Variants in POMC observed in about 807,000 individuals in gnomAD.
POMC encodes the protein pro-opiomelanocortin.
In POMC, 19 loss-of-function variants were observed where a neutral mutation model predicts 18.5. That is an observed-to-expected ratio of 1.03 (90% CI 0.72 to 1.51). The LOEUF (loss-of-function observed/expected upper bound fraction) is 1.51. Among genes scored for constraint, POMC ranks in the 40% most tolerant of loss-of-function variants. The probability of loss-of-function intolerance (pLI) is 0.00; values close to 1 mark genes in which losing one functional copy is unlikely to be tolerated. For missense variants in POMC, 451 were observed against 379.0 expected (o/e 1.19, Z -1.58); for synonymous variants, 179 against 161.9 (o/e 1.11, Z -0.80).
At chr2:25,166,850 T>A (rs780288881) in intron 1 of POMC, among the ~76,000 whole-genome samples, 10 of 152,262 alleles carry the variant, frequency 6.6e-5, no homozygotes, top group Non-Finnish European at 1.0e-4. Flanking sequence ...TATTTGCTTA[T>A]GTGTATTTTC....
At position 25,161,792 on chromosome 2, in the gene POMC, C is replaced by G; in HGVS notation, c.133-40G>C. 1 of 1,548,908 alleles carries G rather than the reference C, an allele frequency of 6.5e-7. No individual in the cohort carries two copies. Among genetic ancestry groups the G allele is most frequent in the Non-Finnish European group, 8.7e-7 (1 of 1,149,048 alleles). ...GAGGGCATGAGGGCAGCCCGTGCCCCGCACCCCGGCCCGGCTGCCGCGCCC... is the reference window on the plus strand; with the variant it reads ...GAGGGCATGAGGGCAGCCCGTGCCCGGCACCCCGGCCCGGCTGCCGCGCCC... On this transcript the variant is annotated intron_variant, in intron 2 of 2. Coordinates refer to ENST00000395826, the MANE Select transcript of POMC (RefSeq NM_000939.4). The surrounding 1 kb of genome is among the most constrained non-coding windows in gnomAD (Gnocchi z 5.7).
rs1671501354 is a variant in POMC, at chr2:25,164,768, G to A, written c.5C>T (p.Pro2Leu). 11 of 1,613,790 alleles carry A rather than the reference G, an allele frequency of 6.8e-6. No individual in the cohort carries two copies. The highest frequency in any genetic ancestry group is 3.3e-5 in the South Asian group (3 of 91,052). M[P>L]RSCCSRSGAL... ...CCCCGAGCGGCTGCAGCACGATCTC[G>A]GCATCTTCCAGGCAGGCTGAGGCTC... The change falls in exon 2 of 3, where the codon CCG (proline) becomes CTG (leucine). Residue 2 changes from proline (P) to leucine (L), a missense_variant. By Grantham distance (98) the Pro-to-Leu change is moderately conservative. Transcript: ENST00000395826.
rs1449052677 is a variant in POMC at position 25,161,643 on chromosome 2, T to C, written c.242A>G (p.His81Arg). The change falls in exon 3 of 3, where the codon CAC becomes CGC. Residue 81 changes from histidine to arginine, a missense_variant. Physicochemically the swap from His to Arg is conservative, Grantham distance 29 (BLOSUM62 0). Transcript: ENST00000395826. The surrounding 1 kb of genome is among the most constrained non-coding windows in gnomAD (Gnocchi z 5.7). ...GCGGCCGAATCGGTCCCAGCGGAAGTGGCCCATGACGTACTTCCGGGGGTT... is the reference window on the plus strand; with the variant it reads ...GCGGCCGAATCGGTCCCAGCGGAAGCGGCCCATGACGTACTTCCGGGGGTT... ...TENPRKYVMG[H>R]FRWDRFGRRN... 1.3e-6 allele frequency: 2 copies of C among 1,553,930 alleles called. No individual in the cohort carries two copies. The highest frequency in any genetic ancestry group is 3.9e-5 in the Admixed American group (2 of 51,426).
In POMC at chr2:25,161,684, C is replaced by T. The variant is rs777071957; in HGVS notation, c.201G>A (p.Glu67=). Residue 67 remains glutamate (E), a synonymous_variant, in exon 3 of 3, where the codon GAG becomes GAA. Coordinates refer to ENST00000395826, the MANE Select transcript of POMC (RefSeq NM_000939.4). The surrounding 1 kb of genome is among the most constrained non-coding windows in gnomAD (Gnocchi z 5.7). ...TCCGGGGGTTCTCGGTCAGAGGCTG[C>T]TCGTCGCCATTTCCCGGGAACATGG... is the stretch of plus-strand genomic sequence containing the variant. ...ETPMFPGNGD[E]QPLTENPRKY... is the part of the protein sequence containing the mutation. The T allele has an allele frequency of 6.3e-7, 1 of 1,575,750 alleles. No individual in the cohort carries two copies. The highest frequency in any genetic ancestry group is 1.4e-5 in the African/African-American group (1 of 73,620).
At position 25,161,114 on chromosome 2, in the gene POMC, G is replaced by A. The variant is rs1451609012; in HGVS notation, c.771C>T (p.Ala257=). 2 of 1,613,962 alleles carry A rather than the reference G, an allele frequency of 1.2e-6. No individual in the cohort carries two copies. Among genetic ancestry groups the A allele is most frequent in the Non-Finnish European group, 1.7e-6 (2 of 1,180,024 alleles). The change falls in exon 3 of 3, where the codon GCC becomes GCT. Residue 257 remains alanine (A), a synonymous_variant. Transcript: ENST00000395826. This position sits in a 1 kb window ranked among gnomAD's most constrained non-coding sequence, Gnocchi z 5.7. ...CCTTCTTGTAGGCGTTCTTGATGAT[G>A]GCGTTTTTGAACAGCGTCACCAGGG... is the stretch of plus-strand genomic sequence containing the variant. The part of the protein sequence containing the change: ...QTPLVTLFKN[A]IIKNAYKKGE
In POMC at chr2:25,161,078, C is replaced by CGA; in HGVS notation, c.*2_*3insTC. 1 of 1,614,030 alleles carries CGA rather than the reference C, an allele frequency of 6.2e-7. No homozygotes were observed. Among genetic ancestry groups the CGA allele is most frequent in the Non-Finnish European group, 8.5e-7 (1 of 1,180,008 alleles). ...AGGGTAGCCCTGGGGCCCCGCTGTG[C>CGA]CCTCACTCGCCCTTCTTGTAGGCGT... On this transcript the variant is annotated 3_prime_UTR_variant, in exon 3 of 3. Transcript: ENST00000395826. The surrounding 1 kb of genome is among the most constrained non-coding windows in gnomAD (Gnocchi z 5.7).
At chr2:25,167,086 A>C (rs760656329) in intron 1 of POMC, among the ~76,000 whole-genome samples, 5 of 152,220 alleles carry the variant, frequency 3.3e-5, no homozygotes, top group African/African-American at 4.8e-5. Context: ...CTATGAGCTC[A>C]ACAAATCATT....
chr2:25,164,753 C>G lies in POMC; in HGVS notation c.20G>C (p.Ser7Thr). The stretch of plus-strand genomic sequence containing the variant: ...GGCCAGCAACAGGGCCCCCGAGCGG[C>G]TGCAGCACGATCTCGGCATCTTCCA... The part of the protein sequence containing the change: MPRSCC[S>T]RSGALLLALL... Residue 7 changes from serine (S) to threonine (T), a missense_variant, in exon 2 of 3, where the codon AGC becomes ACC. By Grantham distance (58) the Ser-to-Thr change is moderately conservative (BLOSUM62 1). Transcript: ENST00000395826. The G allele has an allele frequency of 6.2e-7, 1 of 1,614,058 alleles. No homozygotes were observed. The highest frequency in any genetic ancestry group is 8.5e-7 in the Non-Finnish European group (1 of 1,180,044).
At position 25,161,093 on chromosome 2, in the gene POMC, C is replaced by G. The variant is rs1460365621; in HGVS notation, c.792G>C (p.Lys264Asn). The change falls in exon 3 of 3, where the codon AAG (lysine) becomes AAC (asparagine). Residue 264 changes from lysine (K) to asparagine (N), a missense_variant. Coordinates refer to ENST00000395826, the MANE Select transcript of POMC (RefSeq NM_000939.4). This position sits in a 1 kb window ranked among gnomAD's most constrained non-coding sequence, Gnocchi z 5.7. ...CCCCGCTGTGCCCTCACTCGCCCTT[C>G]TTGTAGGCGTTCTTGATGATGGCGT... ...FKNAIIKNAY[K>N]KGE The G allele has an allele frequency of 1.2e-6, 2 of 1,613,916 alleles. No individual in the cohort carries two copies. The highest frequency in any genetic ancestry group is 8.5e-7 in the Non-Finnish European group (1 of 1,179,996).
At chr2:25,163,136 C>T (rs916762890) in intron 2 of POMC, among the ~76,000 whole-genome samples, 1 of 152,240 alleles carries the variant, frequency 6.6e-6, no homozygotes, top group African/African-American at 2.4e-5. Flanking sequence ...AAGGATCCTA[C>T]CCACTCTGTT....
Position 25,164,632 on chromosome 2 carries a change from C to T in POMC, c.132+9G>A. 5 of 1,614,022 alleles carry T rather than the reference C, an allele frequency of 3.1e-6. No homozygotes were observed. The highest frequency in any genetic ancestry group is 4.2e-6 in the Non-Finnish European group (5 of 1,179,872). ...GTCTAAGCCAAGATGGCAGTCATGG[C>T]CCACGTACCAGCAGGTTGCTTTCCG... On this transcript the variant is annotated intron_variant, in intron 2 of 2. Transcript: ENST00000395826.
At chr2:25,165,019 C>T (rs568047368) in intron 1 of POMC, among the ~76,000 whole-genome samples, 121 of 152,230 alleles carry the variant, frequency 7.9e-4, no homozygotes, top group African/African-American at 2.9e-3. Context: ...TCCCTGTTAT[C>T]TTCTATTTAA....
chr2:25,161,132 C>T lies in POMC; in HGVS notation c.753G>A (p.Val251=). 1.2e-6 allele frequency: 2 copies of T among 1,613,878 alleles called. No homozygotes were observed. The highest frequency in any genetic ancestry group is 1.7e-6 in the Non-Finnish European group (2 of 1,179,994). The part of the protein sequence containing the change: ...MTSEKSQTPL[V]TLFKNAIIKN... Reference sequence around the variant, plus strand: ...TGATGATGGCGTTTTTGAACAGCGTCACCAGGGGCGTCTGGCTCTTCTCGG... The same window carrying T: ...TGATGATGGCGTTTTTGAACAGCGTTACCAGGGGCGTCTGGCTCTTCTCGG... Residue 251 remains valine (V), a synonymous_variant, in exon 3 of 3, where the codon GTG becomes GTA. Coordinates refer to ENST00000395826, the MANE Select transcript of POMC (RefSeq NM_000939.4). This position sits in a 1 kb window ranked among gnomAD's most constrained non-coding sequence, Gnocchi z 5.7.
At chr2:25,164,499 C>T (rs1028170281) in intron 2 of POMC, 142 bp downstream of exon 2, 1 of 1,351,014 alleles carries the variant, frequency 7.4e-7, no homozygotes, top group South Asian at 1.2e-5. Flanking sequence ...TACTTCACTG[C>T]AAAGTTTTGC....
Position 25,161,008 on chromosome 2 carries a change from C to A in POMC, c.*73G>T. ...GACCCCCCAGGCTGGGAGGCGGCAG[C>A]AGGGCAGGGGAGAGCAAGGGGCTTT... On this transcript the variant is annotated 3_prime_UTR_variant, in exon 3 of 3. Coordinates refer to ENST00000395826, the MANE Select transcript of POMC (RefSeq NM_000939.4). This position sits in a 1 kb window ranked among gnomAD's most constrained non-coding sequence, Gnocchi z 5.7. The A allele has an allele frequency of 6.3e-7, 1 of 1,590,454 alleles. No individual in the cohort carries two copies. The highest frequency in any genetic ancestry group is 8.6e-7 in the Non-Finnish European group (1 of 1,168,612).
chr2:25,164,336 G>C (rs1671483448), intron 2 of POMC, among the ~76,000 whole-genome samples: 1 of 152,024 alleles, frequency 6.6e-6, no homozygotes, highest in South Asian at 2.1e-4. Flanking sequence ...AGATTGAGGG[G>C]TCCATTATTG....
Position 25,168,329 on chromosome 2 carries a change from C to T in POMC, c.-21+169G>A, listed in dbSNP as rs1008132442. ...GTGGGCCCTCCAGCTCAGCTACTGG[C>T]GGCTTCTCATGCCGCAGTCGGCGCA... On this transcript the variant is annotated intron_variant, in intron 1 of 2. Transcript: ENST00000395826. The surrounding 1 kb of genome is among the most constrained non-coding windows in gnomAD (Gnocchi z 5.2). Among the ~76,000 whole-genome samples the T allele has an allele frequency of 1.6e-4, 25 of 152,346 alleles. No individual in the cohort carries two copies. Among genetic ancestry groups the T allele is most frequent in the Admixed American group, 1.2e-3 (18 of 15,308 alleles).
In POMC at chr2:25,161,060, C is replaced by T. The variant is rs753399495; in HGVS notation, c.*21G>A. ...GGGTCGACCTCCTGGGGGAGGGTAG[C>T]CCTGGGGCCCCGCTGTGCCCTCACT... is the stretch of plus-strand genomic sequence containing the variant. On this transcript the variant is annotated 3_prime_UTR_variant, in exon 3 of 3. Transcript: ENST00000395826. The surrounding 1 kb of genome is among the most constrained non-coding windows in gnomAD (Gnocchi z 5.7). The T allele has an allele frequency of 8.7e-6, 14 of 1,613,824 alleles. No homozygotes were observed. The South Asian group carries it at 1.1e-4, about 13-fold the overall frequency.
In POMC at chr2:25,161,072, G is replaced by A. The variant is rs1479913739; in HGVS notation, c.*9C>T. The A allele has an allele frequency of 1.9e-6, 3 of 1,614,046 alleles. No homozygotes were observed. Among genetic ancestry groups the A allele is most frequent in the East Asian group, 2.2e-5 (1 of 44,878 alleles). On this transcript the variant is annotated 3_prime_UTR_variant, in exon 3 of 3. Transcript: ENST00000395826. The surrounding 1 kb of genome is among the most constrained non-coding windows in gnomAD (Gnocchi z 5.7). ...TGGGGGAGGGTAGCCCTGGGGCCCC[G>A]CTGTGCCCTCACTCGCCCTTCTTGT...
Sources: allele counts gnomAD v4.1 joint callset (sites outside exome capture counted in the v4.1 genomes callset), GRCh38; gene constraint gnomAD v4.1.1; non-coding constraint Gnocchi (gnomAD v3.1); transcripts MANE v1.5; gene names NCBI Gene and HGNC (gene_info 2026-07-23, HGNC 2026-07-21).